The following PODN variants were observed in gnomAD, a reference collection of about 807,000 sequenced individuals.
The protein encoded by PODN is podocan proteoglycan.
PODN carries 40 observed loss-of-function variants against 52.7 expected under a neutral mutation model. The ratio of observed to expected loss-of-function variants is 0.76; its 90% CI spans 0.59 to 0.99. The LOEUF is 0.99. PODN is among the 50% of genes least tolerant of loss of function. The pLI, the probability that PODN is intolerant of heterozygous loss-of-function variation, is 0.00. For synonymous variants in PODN, 396 were observed against 377.9 expected (o/e 1.05, Z -0.56); for missense variants, 720 against 815.1 (o/e 0.88, Z 1.42).
At chr1:53,081,117 T>C (rs1474366609) in intron 9 of PODN, among the ~76,000 whole-genome samples, 3 of 152,218 alleles carry the variant, frequency 2.0e-5, no homozygotes, top group Non-Finnish European at 4.4e-5. Context: ...GCAGAAAGGA[T>C]GCTGGACAGC....
In PODN at chr1:53,078,883, T is replaced by C; in HGVS notation, c.1373T>C (p.Val458Ala). Residue 458 changes from valine to alanine, a missense_variant, in exon 8 of 11, where the codon GTC becomes GCC. Transcript: ENST00000312553. ...GLPRNVHVLK[V>A]KRNELAALAR... ...CCTCGAAATGTCCATGTGCTGAAGG[T>C]CAAGCGCAATGAGCTGGCTGCCTTG... 6.2e-7 allele frequency: 1 copy of C among 1,611,766 alleles called. No homozygotes were observed.
intron 6 of PODN, 118 bp downstream of exon 6, chr1:53,077,464 C>T (rs1314873721): frequency 6.9e-7 from 1 of 1,449,988 alleles, no homozygotes; most frequent in African/African-American, 1.4e-5. Flanking sequence ...CAAGTGGGGC[C>T]CCGGGGCTGA....
intron 5 of PODN, among the ~76,000 whole-genome samples, chr1:53,076,600 G>A (rs535599995): frequency 6.6e-6 from 1 of 152,186 alleles, no homozygotes; most frequent in South Asian, 2.1e-4. Context: ...CATGTCCACT[G>A]TTATGCCCTC....
chr1:53,081,833 C>T, intron 9 of PODN, 148 bp from the exon 10 acceptor site: 1 of 1,216,502 alleles, frequency 8.2e-7, no homozygotes, highest in South Asian at 1.6e-5. Context: ...ATGTACTGCG[C>T]TCTCAGCCCC....
intron 3 of PODN, among the ~76,000 whole-genome samples, chr1:53,071,859 T>G (rs1262170266): frequency 1.3e-5 from 2 of 151,904 alleles, no homozygotes; most frequent in Non-Finnish European, 2.9e-5. Flanking sequence ...TTCTTTTTTT[T>G]TTTGACATAG....
At chr1:53,076,053 A>G (rs1440516914) in intron 5 of PODN, 82 bp downstream of exon 5, 7 of 1,218,734 alleles carry the variant, frequency 5.7e-6, no homozygotes, top group Non-Finnish European at 7.0e-6. Flanking sequence ...TGTGAGGCAG[A>G]GACAGGTCCC....
chr1:53,070,188 G>A (rs2275452), intron 2 of PODN, 21 bp downstream of exon 2: 80,133 of 1,599,872 alleles, frequency 0.05, 2,626 homozygotes, highest in East Asian at 0.2. Context: ...CGTTGCACCT[G>A]TGGTCACGGG....
intron 3 of PODN, among the ~76,000 whole-genome samples, chr1:53,072,241 A>T (rs887694754): frequency 1.3e-5 from 2 of 152,208 alleles, no homozygotes; most frequent in African/African-American, 2.4e-5. Context: ...TGATTCTAAC[A>T]GCAGCAAAAA....
Position 53,069,972 on chromosome 1 carries a change from C to T in PODN, c.117C>T (p.Ser39=), listed in dbSNP as rs1644090911. ...GFGRSGGHSL[S]PEENEFAEEE... ...GCCGAAGTGGCGGCCACAGCCTGAGCCCCGAAGAGAACGAATTTGCGGAGG... is the reference window on the plus strand; with the variant it reads ...GCCGAAGTGGCGGCCACAGCCTGAGTCCCGAAGAGAACGAATTTGCGGAGG... The change falls in exon 2 of 11, where the codon AGC becomes AGT. Residue 39 remains serine (S), a synonymous_variant. Transcript: ENST00000312553. The T allele has an allele frequency of 5.0e-6, 8 of 1,607,904 alleles. No individual in the cohort carries two copies. The highest frequency in any genetic ancestry group is 6.8e-6 in the Non-Finnish European group (8 of 1,177,710).
chr1:53,076,559 G>A (rs892219942), intron 5 of PODN, among the ~76,000 whole-genome samples: 13 of 152,184 alleles, frequency 8.5e-5, no homozygotes, highest in Middle Eastern at 3.4e-3. Context: ...TAGTATGTTG[G>A]GTCCACGAGG....
At chr1:53,081,581 C>T (rs751984270) in intron 9 of PODN, among the ~76,000 whole-genome samples, 2 of 152,208 alleles carry the variant, frequency 1.3e-5, no homozygotes, top group African/African-American at 2.4e-5. Flanking sequence ...CCTGGCTCAG[C>T]GCTGGCCTTG....
Position 53,077,682 on chromosome 1 carries a change from C to A in PODN, c.739-3C>A, listed in dbSNP as rs1298855484. 39 of 1,611,766 alleles carry A rather than the reference C, an allele frequency of 2.4e-5. No homozygotes were observed. Among genetic ancestry groups the A allele is most frequent in the Non-Finnish European group, 3.3e-5 (39 of 1,179,006 alleles). Reference sequence around the variant, plus strand: ...ATCTCCTCCCTTCCCTTCCATCCCCCAGAACAACAAGCTGGAGAAGATCCC... The same window carrying A: ...ATCTCCTCCCTTCCCTTCCATCCCCAAGAACAACAAGCTGGAGAAGATCCC... On this transcript the variant is annotated splice_region_variant and splice_polypyrimidine_tract_variant and intron_variant, in intron 6 of 10. Coordinates refer to ENST00000312553, the MANE Select transcript of PODN (RefSeq NM_153703.5).
intron 8 of PODN, among the ~76,000 whole-genome samples, chr1:53,079,282 G>A (rs1644249653): frequency 6.6e-6 from 1 of 152,244 alleles, no homozygotes; most frequent in South Asian, 2.1e-4. Flanking sequence ...CCACCTGCAG[G>A]TACAAGAGTG....
At chr1:53,070,643 A>G (rs59926965) in intron 2 of PODN, among the ~76,000 whole-genome samples, 7,363 of 152,298 alleles carry the variant, frequency 0.048, 270 homozygotes, top group East Asian at 0.19. Context: ...TGTCCAGACT[A>G]GGAGCACCCT....
At position 53,080,879 on chromosome 1, in the gene PODN, A is replaced by G. The variant is rs1379679325; in HGVS notation, c.1661+3A>G. The G allele has an allele frequency of 6.2e-7, 1 of 1,613,812 alleles. No homozygotes were observed. Among genetic ancestry groups the G allele is most frequent in the South Asian group, 1.1e-5 (1 of 91,086 alleles). On this transcript the variant is annotated splice_donor_region_variant and intron_variant, in intron 9 of 10. Coordinates refer to ENST00000312553, the MANE Select transcript of PODN (RefSeq NM_153703.5). ...AACCTCAAGGGGATCTTTCTCAGGT[A>G]GGAGCCCACTCGCGGCCCTGTACAC...
At chr1:53,071,668 T>C (rs574298039) in intron 3 of PODN, 40 bp downstream of exon 3, 36 of 1,563,140 alleles carry the variant, frequency 2.3e-5, no homozygotes, top group Non-Finnish European at 3.0e-5. Flanking sequence ...GGACACCAAG[T>C]GGGGCCTTGG....
chr1:53,071,942 T>C (rs1333374495), intron 3 of PODN, among the ~76,000 whole-genome samples: 1 of 152,100 alleles, frequency 6.6e-6, no homozygotes, highest in African/African-American at 2.4e-5. Context: ...ACAAGAGAAT[T>C]TCACAAGTGT....
chr1:53,067,951 C>T (rs1222984089), intron 1 of PODN, among the ~76,000 whole-genome samples: 2 of 147,478 alleles, frequency 1.4e-5, no homozygotes, highest in Admixed American at 1.4e-4. Context: ...GCAAGATCTA[C>T]AAGATCTAGA....
chr1:53,075,990 T>G lies in PODN; in HGVS notation c.581+19T>G. ...ACTTGAGGTCAGAGGTCGGGGGTGG[T>G]CAGGGCTCGGGCTGGGGCAAGGGGA... On this transcript the variant is annotated intron_variant, in intron 5 of 10. Coordinates refer to ENST00000312553, the MANE Select transcript of PODN (RefSeq NM_153703.5). 1 of 1,550,040 alleles carries G rather than the reference T, an allele frequency of 6.5e-7. No individual in the cohort carries two copies. The highest frequency in any genetic ancestry group is 8.8e-7 in the Non-Finnish European group (1 of 1,140,194).
Sources: allele counts gnomAD v4.1 joint callset (sites outside exome capture counted in the v4.1 genomes callset), GRCh38; gene constraint gnomAD v4.1.1; transcripts MANE v1.5; gene names NCBI Gene and HGNC (gene_info 2026-07-23, HGNC 2026-07-21).